Variants in RUNDC3B observed in about 807,000 individuals in gnomAD.
The protein encoded by RUNDC3B is RUN domain containing 3B.
A neutral mutation model predicts 58.4 loss-of-function variants in RUNDC3B; 33 were observed. The observed-to-expected ratio is 0.56, with a 90% CI of 0.43 to 0.75. RUNDC3B has a LOEUF of 0.75. Ranked by LOEUF, RUNDC3B falls within the 30% of genes least tolerant of loss-of-function variation. The pLI, the probability that RUNDC3B is intolerant of heterozygous loss-of-function variation, is 0.00. For synonymous variants in RUNDC3B, 193 were observed against 195.2 expected (o/e 0.99, Z 0.10); for missense variants, 501 against 535.7 (o/e 0.94, Z 0.64).
At chr7:87,811,597 G>A (rs1836720850) in intron 9 of RUNDC3B, among the ~76,000 whole-genome samples, 1 of 152,070 alleles carries the variant, frequency 6.6e-6, no homozygotes. Flanking sequence ...TGGGTCTTTG[G>A]CCTCCCAAAG....
chr7:87,767,427 G>A (rs767239417), intron 6 of RUNDC3B, among the ~76,000 whole-genome samples: 37 of 152,164 alleles, frequency 2.4e-4, no homozygotes, highest in Non-Finnish European at 5.3e-4. Context: ...TTGCTTTCAG[G>A]AAGCCAAGAC....
rs1009585724 is a variant in RUNDC3B at position 87,744,382 on chromosome 7, G to A, written c.629+2803G>A. 3.3e-4 allele frequency among the ~76,000 whole-genome samples: 50 copies of A among 152,108 alleles called. 1 individual carries two copies. The highest frequency in any genetic ancestry group is 1.1e-3 in the African/African-American group (45 of 41,504). ...GGTATTTTGATGGGAATTGCATTGAGTTTGTAGATTGCTTTTGGTAGTATG... is the reference window on the plus strand; with the variant it reads ...GGTATTTTGATGGGAATTGCATTGAATTTGTAGATTGCTTTTGGTAGTATG... On this transcript the variant is annotated intron_variant, in intron 6 of 10. Transcript: ENST00000394654.
chr7:87,742,231 A>G (rs1029961857), intron 6 of RUNDC3B, among the ~76,000 whole-genome samples: 40 of 152,104 alleles, frequency 2.6e-4, no homozygotes, highest in African/African-American at 9.2e-4. Flanking sequence ...TCCATAAATT[A>G]TTGGGGTTCA....
intron 4 of RUNDC3B, among the ~76,000 whole-genome samples, chr7:87,739,188 A>ACATTCC (rs1832168731): frequency 2.6e-5 from 4 of 151,974 alleles, no homozygotes; most frequent in African/African-American, 4.8e-5. Flanking sequence ...AGATACATTC[A>ACATTCC]CATTCCCATT....
chr7:87,729,296 T>C (rs1007492262), intron 4 of RUNDC3B, among the ~76,000 whole-genome samples: 7 of 151,758 alleles, frequency 4.6e-5, no homozygotes, highest in Non-Finnish European at 8.8e-5. Context: ...TCGCAGTGTG[T>C]GGTTTTAACA....
chr7:87,767,812 G>T (rs1009339376), intron 6 of RUNDC3B, among the ~76,000 whole-genome samples: 1 of 152,130 alleles, frequency 6.6e-6, no homozygotes, highest in Admixed American at 6.5e-5. Flanking sequence ...TCCTAGGCAG[G>T]TAGGAATGCA....
At chr7:87,677,029 G>A (rs1826439425) in intron 2 of RUNDC3B, among the ~76,000 whole-genome samples, 1 of 152,112 alleles carries the variant, frequency 6.6e-6, no homozygotes, top group East Asian at 1.9e-4. Flanking sequence ...CTATTGGTGG[G>A]AATGTAGATT....
intron 1 of RUNDC3B, among the ~76,000 whole-genome samples, chr7:87,641,279 C>T (rs941789247): frequency 6.6e-6 from 1 of 152,134 alleles, no homozygotes; most frequent in African/African-American, 2.4e-5. Flanking sequence ...AGAAAGATAT[C>T]GCCAACAGTT....
At chr7:87,631,294 A>G (rs1284037440) in intron 1 of RUNDC3B, among the ~76,000 whole-genome samples, 2 of 152,264 alleles carry the variant, frequency 1.3e-5, no homozygotes, top group Non-Finnish European at 2.9e-5. Context: ...AGAAAAATGA[A>G]TAAAGCAGTA....
At chr7:87,749,059 G>C (rs1464535669) in intron 6 of RUNDC3B, among the ~76,000 whole-genome samples, 6 of 152,180 alleles carry the variant, frequency 3.9e-5, no homozygotes, top group African/African-American at 1.4e-4. Context: ...CACACAACTA[G>C]TTTAAGGCAG....
At chr7:87,742,592 A>AT (rs1832392780) in intron 6 of RUNDC3B, among the ~76,000 whole-genome samples, 1 of 151,518 alleles carries the variant, frequency 6.6e-6, no homozygotes, top group African/African-American at 2.4e-5. Flanking sequence ...AGATAGATAG[A>AT]TAGATAGATA....
chr7:87,637,088 T>C (rs76180837), intron 1 of RUNDC3B, among the ~76,000 whole-genome samples: 1,636 of 152,310 alleles, frequency 0.011, 24 homozygotes, highest in African/African-American at 0.038. Flanking sequence ...ATCCCCATGA[T>C]TCAATTACCT....
chr7:87,784,532 T>A (rs1013907464), intron 8 of RUNDC3B, among the ~76,000 whole-genome samples: 1 of 152,136 alleles, frequency 6.6e-6, no homozygotes. Flanking sequence ...CTCATTGGGT[T>A]TCACAGGCAT....
chr7:87,802,546 T>A (rs1031181589), intron 8 of RUNDC3B, among the ~76,000 whole-genome samples: 1 of 152,126 alleles, frequency 6.6e-6, no homozygotes, highest in African/African-American at 2.4e-5. Context: ...ATTATACATT[T>A]AAAAATAACC....
chr7:87,768,410 T>A (rs886109324), intron 6 of RUNDC3B, among the ~76,000 whole-genome samples: 1 of 152,056 alleles, frequency 6.6e-6, no homozygotes, highest in African/African-American at 2.4e-5. Context: ...CTCTGAGAAA[T>A]GTTTGTGGGG....
At chr7:87,792,754 A>C (rs1835594184) in intron 8 of RUNDC3B, among the ~76,000 whole-genome samples, 1 of 152,108 alleles carries the variant, frequency 6.6e-6, no homozygotes, top group Non-Finnish European at 1.5e-5. Flanking sequence ...ATATCAAAAA[A>C]GAAGAAAAAC....
intron 10 of RUNDC3B, among the ~76,000 whole-genome samples, chr7:87,829,086 A>G (rs1448486268): frequency 6.6e-6 from 1 of 152,104 alleles, no homozygotes. Context: ...TGATGAGCAT[A>G]TATTCATGAT....
At chr7:87,824,703 CA>C (rs1013515395) in intron 10 of RUNDC3B, among the ~76,000 whole-genome samples, 1 of 152,180 alleles carries the variant, frequency 6.6e-6, no homozygotes, top group African/African-American at 2.4e-5. Context: ...TATCTTTGAC[CA>C]AAATGCTGAT....
chr7:87,725,245 C>T (rs527891730), intron 4 of RUNDC3B, among the ~76,000 whole-genome samples: 3 of 152,236 alleles, frequency 2.0e-5, no homozygotes, highest in South Asian at 2.1e-4. Flanking sequence ...CCCCACTCCC[C>T]GCACCCCACA....
Sources: gnomAD v4.1 joint callset for allele counts (sites outside exome capture counted in the v4.1 genomes callset) on GRCh38, gnomAD v4.1.1 for gene constraint, MANE v1.5 for transcripts, NCBI Gene and HGNC (gene_info 2026-07-23, HGNC 2026-07-21) for gene names.